ITGA11: variants seen among roughly 807,000 people sequenced by gnomAD.
ITGA11 encodes integrin subunit alpha 11, also known as integrin alpha-11.
In ITGA11, 97 loss-of-function variants were observed where a neutral mutation model predicts 141.9. That is an observed-to-expected ratio of 0.68 (90% CI 0.58 to 0.81). The LOEUF is 0.81. Among genes scored for constraint, ITGA11 ranks in the 30% least tolerant of loss-of-function variants. The probability of loss-of-function intolerance (pLI) is 0.00; values close to 1 mark genes in which losing one functional copy is unlikely to be tolerated. For synonymous variants in ITGA11, 658 were observed against 624.6 expected, an observed-to-expected ratio of 1.05 and a Z score of -0.80; for missense variants, 1,387 against 1,559.2, an observed-to-expected ratio of 0.89 and a Z score of 1.86.
At chr15:68,360,483 A>T (rs1462728386) in intron 5 of ITGA11, among the ~76,000 whole-genome samples, 1 of 152,158 alleles carries the variant, frequency 6.6e-6, no homozygotes, top group Non-Finnish European at 1.5e-5. Flanking sequence ...ACACACACTC[A>T]CACGCACGCA....
rs113585103 is a variant in ITGA11, at chr15:68,377,925, T to A, written c.165-8641A>T. 5.1e-3 allele frequency among the ~76,000 whole-genome samples: 776 copies of A among 152,328 alleles called. 7 individuals are homozygous for A. The highest frequency in any genetic ancestry group is 0.018 in the African/African-American group (750 of 41,564). Reference sequence around the variant, plus strand: ...GTCCTCCCACTCTGGGTGGCTGGGATGCTGGAATCTCCTGCCCAAATAGCC... The same window carrying A: ...GTCCTCCCACTCTGGGTGGCTGGGAAGCTGGAATCTCCTGCCCAAATAGCC... On this transcript the variant is annotated intron_variant, in intron 2 of 29. Transcript: ENST00000315757.
chr15:68,423,616 T>A (rs4777051), intron 1 of ITGA11, among the ~76,000 whole-genome samples: 108,811 of 152,048 alleles, frequency 0.72, 40,113 homozygotes, highest in African/African-American at 0.9. Context: ...ACCCAATGGT[T>A]GTAGAGAGCT....
intron 3 of ITGA11, among the ~76,000 whole-genome samples, chr15:68,367,470 C>T (rs570125237): frequency 6.6e-6 from 1 of 152,130 alleles, no homozygotes; most frequent in Non-Finnish European, 1.5e-5. Flanking sequence ...CCACCTGTAA[C>T]CTTCTCAAAA....
intron 21 of ITGA11, among the ~76,000 whole-genome samples, chr15:68,316,667 G>C (rs1435282775): frequency 6.6e-6 from 1 of 152,176 alleles, no homozygotes; most frequent in Non-Finnish European, 1.5e-5. Flanking sequence ...GAGCACTGCT[G>C]CCGCCTACTG....
At position 68,321,532 on chromosome 15, in the gene ITGA11, G is replaced by T; in HGVS notation, c.2323-29C>A. ...GGCCAGGGAGAGCCAGGTGTGGGCAGCTGGGTAGGGACCCGCAGCCCCTCG... is the reference window on the plus strand; with the variant it reads ...GGCCAGGGAGAGCCAGGTGTGGGCATCTGGGTAGGGACCCGCAGCCCCTCG... On this transcript the variant is annotated intron_variant, in intron 18 of 29. Transcript: ENST00000315757. This position sits in a 1 kb window ranked among gnomAD's most constrained non-coding sequence, Gnocchi z 4.9. The T allele has an allele frequency of 1.3e-6, 2 of 1,511,584 alleles. No individual in the cohort carries two copies. The highest frequency in any genetic ancestry group is 1.8e-6 in the Non-Finnish European group (2 of 1,104,728). 93.6% of individuals were successfully genotyped at this position (1,511,584 alleles called of 1,614,324 possible).
intron 10 of ITGA11, among the ~76,000 whole-genome samples, chr15:68,343,110 A>G (rs898583): frequency 0.99 from 150,922 of 152,206 alleles, 74,837 homozygotes; most frequent in Middle Eastern, 1. Flanking sequence ...TTAGCAGGGC[A>G]CTTGGCAGCC....
intron 10 of ITGA11, among the ~76,000 whole-genome samples, chr15:68,346,189 T>C (rs955142027): frequency 6.6e-6 from 1 of 152,018 alleles, no homozygotes; most frequent in African/African-American, 2.4e-5. Flanking sequence ...GTTGAGCATA[T>C]GTGGAAGGGG....
chr15:68,405,864 G>A lies in ITGA11; in HGVS notation c.53-2835C>T, dbSNP rs183178941. On this transcript the variant is annotated intron_variant, in intron 1 of 29. Transcript: ENST00000315757. Reference sequence around the variant, plus strand: ...ATCTGTCCCAGGAATGAACACACACGTATGCACACATGCACACGCACACAG... The same window carrying A: ...ATCTGTCCCAGGAATGAACACACACATATGCACACATGCACACGCACACAG... Among the ~76,000 whole-genome samples, 511 of 152,194 alleles carry A rather than the reference G, an allele frequency of 3.4e-3. 2 individuals carry two copies. The highest frequency in any genetic ancestry group is 0.014 in the Middle Eastern group (4 of 294).
intron 2 of ITGA11, among the ~76,000 whole-genome samples, chr15:68,378,058 T>C (rs1895771164): frequency 6.6e-6 from 1 of 152,160 alleles, no homozygotes; most frequent in Admixed American, 6.5e-5. Flanking sequence ...TGCAGGGCTG[T>C]AGAGAGAGCT....
chr15:68,424,482 T>C (rs894474223), intron 1 of ITGA11, among the ~76,000 whole-genome samples: 2 of 152,198 alleles, frequency 1.3e-5, no homozygotes, highest in African/African-American at 4.8e-5. Context: ...AAAATGTCCC[T>C]GCTGGGCCCC....
At chr15:68,327,580 G>C (rs1260806650) in intron 16 of ITGA11, among the ~76,000 whole-genome samples, 1 of 152,160 alleles carries the variant, frequency 6.6e-6, no homozygotes, top group Non-Finnish European at 1.5e-5. Flanking sequence ...AGACCACCTG[G>C]GGCCAGGGCT....
intron 1 of ITGA11, among the ~76,000 whole-genome samples, chr15:68,431,373 G>T (rs895135): frequency 0.28 from 42,827 of 152,216 alleles, 7,409 homozygotes; most frequent in East Asian, 0.57. Context: ...CCGGGTGTCA[G>T]GTAACGTTTC....
chr15:68,384,498 T>C (rs1453816553), intron 2 of ITGA11, among the ~76,000 whole-genome samples: 2 of 152,158 alleles, frequency 1.3e-5, no homozygotes. Context: ...AGGACGAATG[T>C]CTGGATTTCC....
In ITGA11 at chr15:68,335,143, G is replaced by C. The variant is rs570245045; in HGVS notation, c.1425+554C>G. ...CCTAGAGAGGGCACAGATGCTGCTGGTTAGGAGGAGCCCAGGCCTGATTTT... is the reference window on the plus strand; with the variant it reads ...CCTAGAGAGGGCACAGATGCTGCTGCTTAGGAGGAGCCCAGGCCTGATTTT... On this transcript the variant is annotated intron_variant, in intron 12 of 29. Coordinates refer to ENST00000315757, the MANE Select transcript of ITGA11 (RefSeq NM_001004439.2). The surrounding 1 kb of genome is among the most constrained non-coding windows in gnomAD (Gnocchi z 4.9). Among the ~76,000 whole-genome samples the C allele has an allele frequency of 6.6e-6, 1 of 152,250 alleles. No homozygotes were observed. Among genetic ancestry groups the C allele is most frequent in the East Asian group, 1.9e-4 (1 of 5,162 alleles).
intron 1 of ITGA11, among the ~76,000 whole-genome samples, chr15:68,426,930 A>G (rs1156673037): frequency 1.4e-5 from 2 of 147,666 alleles, no homozygotes; most frequent in Non-Finnish European, 3.0e-5. Flanking sequence ...CAGAAGAATC[A>G]CTTGAACCTG....
At position 68,305,707 on chromosome 15, in the gene ITGA11, TCA is replaced by T. The variant is rs1207144892; in HGVS notation, c.3381+1639_3381+1640del. Among the ~76,000 whole-genome samples, 22 of 152,158 alleles carry T rather than the reference TCA, an allele frequency of 1.4e-4. No individual in the cohort carries two copies. The highest frequency in any genetic ancestry group is 5.3e-4 in the African/African-American group (22 of 41,440). ...GAGAGATGGGGGTGGGGACAGTGCC[TCA>T]CAGTGTTGAGAGGTCTGTCACCATG... On this transcript the variant is annotated intron_variant, in intron 28 of 29. Coordinates refer to ENST00000315757, the MANE Select transcript of ITGA11 (RefSeq NM_001004439.2). The surrounding 1 kb of genome is among the most constrained non-coding windows in gnomAD (Gnocchi z 4.6).
At chr15:68,329,520 G>C (rs1212794791) in intron 15 of ITGA11, among the ~76,000 whole-genome samples, 1 of 152,228 alleles carries the variant, frequency 6.6e-6, no homozygotes. Flanking sequence ...CATAGGTGTA[G>C]ACTTCAAAAG....
At chr15:68,341,103 C>T (rs1894554585) in intron 10 of ITGA11, among the ~76,000 whole-genome samples, 1 of 152,250 alleles carries the variant, frequency 6.6e-6, no homozygotes, top group African/African-American at 2.4e-5. Flanking sequence ...AATCCTAACC[C>T]TCCAGAGGTA....
rs552037633 is a variant in ITGA11, at chr15:68,405,906, G to A, written c.53-2877C>T. The stretch of plus-strand genomic sequence containing the variant: ...CGCACACAGATATACATGTATGCAC[G>A]CACGTGCACACACACACAGACACAC... On this transcript the variant is annotated intron_variant, in intron 1 of 29. Coordinates refer to ENST00000315757, the MANE Select transcript of ITGA11 (RefSeq NM_001004439.2). Among the ~76,000 whole-genome samples the A allele has an allele frequency of 2.4e-3, 364 of 152,180 alleles. 1 individual carries two copies. Among genetic ancestry groups the A allele is most frequent in the Admixed American group, 4.3e-3 (66 of 15,284 alleles).
Sources: allele counts gnomAD v4.1 joint callset (sites outside exome capture counted in the v4.1 genomes callset), GRCh38; gene constraint gnomAD v4.1.1; non-coding constraint Gnocchi (gnomAD v3.1); transcripts MANE v1.5; gene names NCBI Gene and HGNC (gene_info 2026-07-23, HGNC 2026-07-21).